Variants in ADRA1B observed in about 807,000 individuals in gnomAD.
The protein encoded by ADRA1B is alpha-1B adrenergic receptor.
ADRA1B carries 17 observed loss-of-function variants against 17.9 expected under a neutral mutation model. The ratio of observed to expected loss-of-function variants is 0.95; its 90% CI spans 0.65 to 1.42. The LOEUF is 1.42. Among genes scored for constraint, ADRA1B ranks in the 40% most tolerant of loss-of-function variants. The probability of loss-of-function intolerance (pLI) is 0.00; values close to 1 mark genes in which losing one functional copy is unlikely to be tolerated. For synonymous variants in ADRA1B, 366 were observed against 327.6 expected (o/e 1.12, Z -1.27); for missense variants, 681 against 722.1 (o/e 0.94, Z 0.65).
In ADRA1B at chr5:159,972,484, C is replaced by A. The variant is rs866103721; in HGVS notation, c.1555C>A (p.Gln519Lys). Reference protein sequence around the residue: ...FKSNMPLAPGQF With the variant: ...FKSNMPLAPGKF ...AAGCAACATGCCCCTGGCGCCCGGG[C>A]AGTTTTAGGGCCCCCGTGCGCAGCT... Residue 519 changes from glutamine (Q) to lysine (K), a missense_variant, in exon 2 of 2, where the codon CAG becomes AAG. Around this residue, in one of 3 missense-constraint regions of ADRA1B, gnomAD observed 251 missense variants for 224.9 expected, o/e 1.12. Coordinates refer to ENST00000306675, the MANE Select transcript of ADRA1B (RefSeq NM_000679.4). 1.6e-6 allele frequency: 2 copies of A among 1,238,112 alleles called. No homozygotes were observed. Among genetic ancestry groups the A allele is most frequent in the Non-Finnish European group, 1.0e-6 (1 of 968,732 alleles). The allele number at this position is 1,238,112 out of a possible 1,614,324, so 76.7% of individuals were successfully genotyped here. A position where few individuals can be genotyped will look rare whatever the true frequency, so the allele number is the denominator to read the frequency against.
At chr5:159,946,919 G>A (rs962845258) in intron 1 of ADRA1B, among the ~76,000 whole-genome samples, 1 of 152,200 alleles carries the variant, frequency 6.6e-6, no homozygotes, top group African/African-American at 2.4e-5. Context: ...CAAGACACTG[G>A]TGGAGAACTA....
chr5:159,882,123 T>C (rs1040175082), intron 1 of ADRA1B, among the ~76,000 whole-genome samples: 10 of 152,180 alleles, frequency 6.6e-5, no homozygotes, highest in African/African-American at 2.4e-4. Flanking sequence ...CTGAGGCTTA[T>C]GCAGTAGGGA....
At chr5:159,887,902 C>G (rs1753943192) in intron 1 of ADRA1B, 1 of 152,148 alleles carries the variant, frequency 6.6e-6, no homozygotes. Flanking sequence ...GAGTAGAGTA[C>G]ACAGAATTCT....
intron 1 of ADRA1B, among the ~76,000 whole-genome samples, chr5:159,893,082 T>C (rs1754003296): frequency 6.6e-6 from 1 of 152,236 alleles, no homozygotes; most frequent in Admixed American, 6.5e-5. Context: ...TTACGAGCAT[T>C]ATTTAACTTA....
chr5:159,962,400 G>T (rs1033963789), intron 1 of ADRA1B, among the ~76,000 whole-genome samples: 1 of 136,538 alleles, frequency 7.3e-6, no homozygotes, highest in East Asian at 2.9e-4. Context: ...GCTGCCATCC[G>T]TCTGATTTCA....
At chr5:159,910,219 C>A (rs1754214911) in intron 1 of ADRA1B, among the ~76,000 whole-genome samples, 1 of 152,182 alleles carries the variant, frequency 6.6e-6, no homozygotes, top group East Asian at 1.9e-4. Context: ...TTAATTTTCA[C>A]AACCACCTAG....
chr5:159,896,436 A>T (rs753639332), intron 1 of ADRA1B, among the ~76,000 whole-genome samples: 3 of 152,180 alleles, frequency 2.0e-5, no homozygotes, highest in African/African-American at 4.8e-5. Flanking sequence ...TCTTGTGTCA[A>T]TTCTCCTGAG....
chr5:159,951,966 TTCACA>T (rs1755450261), intron 1 of ADRA1B, among the ~76,000 whole-genome samples: 2 of 152,160 alleles, frequency 1.3e-5, no homozygotes, highest in Admixed American at 1.3e-4. Flanking sequence ...AGAACTGACT[TTCACA>T]AGGCCTGGAG....
chr5:159,949,008 A>G (rs565537094), intron 1 of ADRA1B, among the ~76,000 whole-genome samples: 41 of 152,316 alleles, frequency 2.7e-4, no homozygotes, highest in Middle Eastern at 3.4e-3. Flanking sequence ...AGTGACATAG[A>G]TAATAAGTAG....
intron 1 of ADRA1B, among the ~76,000 whole-genome samples, chr5:159,884,297 C>A (rs1753900328): frequency 6.6e-6 from 1 of 152,146 alleles, no homozygotes; most frequent in African/African-American, 2.4e-5. Context: ...CTTAATTCCT[C>A]ATGCAACAGT....
the ADRA1B span, among the ~76,000 whole-genome samples, chr5:159,985,911 G>C: frequency 6.6e-6 from 1 of 152,198 alleles, no homozygotes; most frequent in Non-Finnish European, 1.5e-5. Context: ...GGAGGGCTGG[G>C]ACATAGCATA....
At chr5:159,957,846 T>C (rs1755586401) in intron 1 of ADRA1B, among the ~76,000 whole-genome samples, 1 of 147,132 alleles carries the variant, frequency 6.8e-6, no homozygotes, top group Non-Finnish European at 1.5e-5. Context: ...AGAGAATCAC[T>C]TGAACCCGGG....
At chr5:159,915,615 C>T (rs951469437), upstream of ADRA1B, among the ~76,000 whole-genome samples, 3 of 152,168 alleles carry the variant, frequency 2.0e-5, no homozygotes, top group African/African-American at 7.2e-5. Context: ...TGACCTCCCT[C>T]ACCCCCACTC....
chr5:159,976,235 G>T (rs1755972431), downstream of ADRA1B, among the ~76,000 whole-genome samples: 1 of 152,160 alleles, frequency 6.6e-6, no homozygotes, highest in South Asian at 2.1e-4. Context: ...TTATTTACTT[G>T]GATGTATGAA....
At chr5:159,904,444 T>A (rs539483585) in intron 1 of ADRA1B, among the ~76,000 whole-genome samples, 1 of 152,192 alleles carries the variant, frequency 6.6e-6, no homozygotes, top group Non-Finnish European at 1.5e-5. Flanking sequence ...AAAAAGAAAT[T>A]AATCCTGAAT....
At chr5:159,962,837 ATTTTTTTT>A (rs756263225) in intron 1 of ADRA1B, among the ~76,000 whole-genome samples, 1 of 43,016 alleles carries the variant, frequency 2.3e-5, no homozygotes, top group African/African-American at 9.2e-5. Context: ...ACACCTGGCT[ATTTTTTTT>A]TTTTTTTTTT....
At chr5:159,951,434 G>A in intron 1 of ADRA1B, 1 of 762,420 alleles carries the variant, frequency 1.3e-6, no homozygotes, top group Non-Finnish European at 2.4e-6. Context: ...AGAGTTAAAA[G>A]CTGCCCTGGT....
chr5:159,935,625 C>T (rs1754932966), intron 1 of ADRA1B, among the ~76,000 whole-genome samples: 1 of 152,184 alleles, frequency 6.6e-6, no homozygotes, highest in African/African-American at 2.4e-5. Context: ...CGGCTCACTG[C>T]AATCTCCACC....
In ADRA1B at chr5:159,865,598, C is replaced by T. The variant is rs568772407; in HGVS notation, c.-256+392C>T. Among the ~76,000 whole-genome samples, 4 of 152,298 alleles carry T rather than the reference C, an allele frequency of 2.6e-5. No individual in the cohort carries two copies. In the East Asian group the frequency reaches 7.7e-4, roughly 29 times the overall value. On this transcript the variant is annotated intron_variant, in intron 1 of 2. Coordinates refer to the ADRA1B transcript ENST00000641205. ...CCTATCACAACTGCATTGCATTTTT[C>T]CAACAGTCTTAGAAAAGATGCTGTA...
Sources: gnomAD v4.1 joint callset for allele counts (sites outside exome capture counted in the v4.1 genomes callset) on GRCh38, gnomAD v4.1.1 for gene constraint, gnomAD v4.1.1 regional missense constraint, MANE v1.5 for transcripts, NCBI Gene and HGNC (gene_info 2026-07-23, HGNC 2026-07-21) for gene names.